Variants in NOP53 observed in about 807,000 individuals in gnomAD.
The protein encoded by NOP53 is ribosome biogenesis protein NOP53.
In NOP53, 40 loss-of-function variants were observed where a neutral mutation model predicts 61.0. The ratio of observed to expected loss-of-function variants is 0.66; its 90% confidence interval spans 0.51 to 0.85. The LOEUF is 0.85. Among genes scored for constraint, NOP53 ranks in the 40% least tolerant of loss-of-function variants. The pLI is 0.00. For missense variants in NOP53, 689 were observed against 652.9 expected, an observed-to-expected ratio of 1.06 and a Z score of -0.60; for synonymous variants, 308 against 289.5, an observed-to-expected ratio of 1.06 and a Z score of -0.65.
chr19:47,751,543 G>A lies in NOP53; in HGVS notation c.622G>A (p.Gly208Ser). The change falls in exon 5 of 13, where the codon GGC becomes AGC. Residue 208 changes from glycine to serine, a missense_variant. Gly to Ser is a moderately conservative substitution (Grantham distance 56). Transcript: ENST00000246802. ...SDNPLDRPLV[G>S]QDEFFLEQTK... ...AGACCCCCTGGACAGGCCGTTGGTT[G>A]GCCAGGATGAGTTTTTCCTGGAGCA... The A allele has an allele frequency of 1.2e-6, 2 of 1,613,952 alleles. No homozygotes were observed. Among genetic ancestry groups the A allele is most frequent in the Non-Finnish European group, 1.7e-6 (2 of 1,179,934 alleles).
Position 47,754,668 on chromosome 19 carries a change from G to C in NOP53, c.870+37G>C, listed in dbSNP as rs912725826. ...ACCTGCCCACTCCCTCCCCTCCCCG[G>C]GCCTCCTACCCACCCCTGACACTGC... On this transcript the variant is annotated intron_variant, in intron 7 of 12. Transcript: ENST00000246802. The surrounding 1 kb of genome is among the most constrained non-coding windows in gnomAD (Gnocchi z 4.2). 2 of 1,542,636 alleles carry C rather than the reference G, an allele frequency of 1.3e-6. No homozygotes were observed. Among genetic ancestry groups the C allele is most frequent in the African/African-American group, 2.7e-5 (2 of 72,816 alleles).
In NOP53 at chr19:47,750,906, A is replaced by G; in HGVS notation, c.399-2A>G. 1 of 1,581,668 alleles carries G rather than the reference A, an allele frequency of 6.3e-7. No homozygotes were observed. Among genetic ancestry groups the G allele is most frequent in the South Asian group, 1.2e-5 (1 of 86,496 alleles). On this transcript the variant is annotated splice_acceptor_variant, in intron 3 of 12. Coordinates refer to ENST00000246802, the MANE Select transcript of NOP53 (RefSeq NM_015710.5). LOFTEE classifies it high-confidence loss of function. ...GCACTTGTGCCCCCTCTCCCCGACC[A>G]GCGTCCTCGCCCACCAGGTCCCCAA...
At chr19:47,756,091 C>T in intron 10 of NOP53, 1 of 548,908 alleles carries the variant, frequency 1.8e-6, no homozygotes, top group South Asian at 2.2e-5. Context: ...GAGGGACCTT[C>T]CTGAAGCTCA....
intron 6 of NOP53, chr19:47,752,821 C>G (rs1437170528): frequency 3.7e-6 from 2 of 537,952 alleles, no homozygotes; most frequent in Non-Finnish European, 6.7e-6. Context: ...CTGGCCCAGC[C>G]TGGGGGGTCA....
rs1967052131 is a variant in NOP53, at chr19:47,745,680, C to G, written c.121C>G (p.Pro41Ala). 1 of 1,613,170 alleles carries G rather than the reference C, an allele frequency of 6.2e-7. No individual in the cohort carries two copies. The highest frequency in any genetic ancestry group is 1.7e-4 in the Middle Eastern group (1 of 5,952). ...DPALRRRRRG[P>A]RNKKRGWRRL... is the part of the protein sequence containing the mutation. ...AGCGCTGAGGCGGCGGCGGCGAGGCCCAAGAAATAAGAAGCGGGGCTGGCG... is the reference window on the plus strand; with the variant it reads ...AGCGCTGAGGCGGCGGCGGCGAGGCGCAAGAAATAAGAAGCGGGGCTGGCG... Residue 41 changes from proline (P) to alanine (A), a missense_variant, in exon 1 of 13, where the codon CCA becomes GCA. Physicochemically the swap from Pro to Ala is conservative, Grantham distance 27. Transcript: ENST00000246802.
In NOP53 at chr19:47,754,367, CTG is replaced by C; in HGVS notation, c.766-157_766-156del. ...CGAGGGTTTGAGGTGCCCTCTGGCT[CTG>C]TGCAGGGTGGGTGTGCTGGTAGACG... On this transcript the variant is annotated intron_variant, in intron 6 of 12. Transcript: ENST00000246802. The surrounding 1 kb of genome is among the most constrained non-coding windows in gnomAD (Gnocchi z 4.2). The C allele has an allele frequency of 1.6e-6, 1 of 630,966 alleles. No individual in the cohort carries two copies. The highest frequency in any genetic ancestry group is 2.9e-6 in the Non-Finnish European group (1 of 346,588). 39.1% of individuals were successfully genotyped at this position (630,966 alleles called of 1,614,324 possible). A position where few individuals can be genotyped will look rare whatever the true frequency, so the allele number is the denominator to read the frequency against.
chr19:47,748,026 C>G (rs535197086), intron 2 of NOP53, among the ~76,000 whole-genome samples: 25 of 151,912 alleles, frequency 1.6e-4, no homozygotes, highest in Admixed American at 8.5e-4. Context: ...GTGATCCGCC[C>G]GCCTCGGCCT....
chr19:47,747,704 G>T (rs537695127), intron 2 of NOP53, among the ~76,000 whole-genome samples: 1 of 149,490 alleles, frequency 6.7e-6, no homozygotes, highest in African/African-American at 2.4e-5. Flanking sequence ...CGATTCTCCT[G>T]CCTCAGCCTC....
At chr19:47,755,020 G>A (rs1967172702) in intron 8 of NOP53, 129 bp downstream of exon 8, 1 of 869,284 alleles carries the variant, frequency 1.2e-6, no homozygotes, top group East Asian at 2.9e-5. Context: ...CCTGTGGTTT[G>A]GGCTGTTTGG....
intron 10 of NOP53, chr19:47,756,168 GCTC>G (rs1967195304): frequency 2.0e-6 from 1 of 510,510 alleles, no homozygotes; most frequent in Middle Eastern, 5.3e-4. Context: ...AGGAAGCCCA[GCTC>G]CTCTGTCAGC....
intron 4 of NOP53, 71 bp downstream of exon 4, chr19:47,751,178 G>GTACT: frequency 7.4e-7 from 1 of 1,353,894 alleles, no homozygotes; most frequent in Non-Finnish European, 1.0e-6. Flanking sequence ...GTTGTGCACT[G>GTACT]CACGAGAGTA....
At chr19:47,755,287 G>T (rs1267610067) in intron 8 of NOP53, 61 bp from the exon 9 acceptor site, 5 of 1,187,248 alleles carry the variant, frequency 4.2e-6, no homozygotes, top group Non-Finnish European at 5.7e-6. Context: ...CCTGTGTAGA[G>T]AGAAGGTCTC....
At chr19:47,747,555 TCA>T (rs775615047) in intron 2 of NOP53, among the ~76,000 whole-genome samples, 1 of 151,252 alleles carries the variant, frequency 6.6e-6, no homozygotes, top group Non-Finnish European at 1.5e-5. Flanking sequence ...GGCAGGAGAA[TCA>T]CTTGAACCTG....
At chr19:47,752,456 G>C in intron 5 of NOP53, 56 bp from the exon 6 acceptor site, 2 of 1,098,420 alleles carry the variant, frequency 1.8e-6, no homozygotes, top group Admixed American at 3.4e-5. Context: ...GCTGTGTCCT[G>C]GGTCACCCGC....
chr19:47,745,877 CGGGGGTCG>C, intron 1 of NOP53, 94 bp downstream of exon 1: 1 of 236,666 alleles, frequency 4.2e-6, no homozygotes. Flanking sequence ...GGTCGGGGGT[CGGGGGTCG>C]GGGGTTGGGG....
intron 1 of NOP53, 137 bp from the exon 2 acceptor site, chr19:47,746,830 A>G: frequency 1.5e-6 from 1 of 683,330 alleles, no homozygotes; most frequent in Non-Finnish European, 2.6e-6. Context: ...AGTTCTGTAA[A>G]CTGCTGGGCG....
In NOP53 at chr19:47,747,050, G is replaced by C; in HGVS notation, c.289+19G>C. 6.3e-7 allele frequency: 1 copy of C among 1,593,822 alleles called. No individual in the cohort carries two copies. Among genetic ancestry groups the C allele is most frequent in the Non-Finnish European group, 8.6e-7 (1 of 1,161,888 alleles). ...GAAAAAGGTGAGGAGAGGCTTTTGT[G>C]GTGTGGAATGGCGGTTATTCATTGT... is the stretch of plus-strand genomic sequence containing the variant. On this transcript the variant is annotated intron_variant, in intron 2 of 12. Transcript: ENST00000246802.
Position 47,750,971 on chromosome 19 carries a change from G to A in NOP53, c.462G>A (p.Lys154=), listed in dbSNP as rs776634751. The part of the protein sequence containing the change: ...KLRRKEQLWE[K]LAKQGELPRE... ...GGCGGAAGGAGCAGCTATGGGAGAA[G>A]CTGGCCAAGCAGGGCGAGCTGCCCC... The change falls in exon 4 of 13, where the codon AAG becomes AAA. Residue 154 remains lysine (K), a synonymous_variant. Transcript: ENST00000246802. 1.9e-6 allele frequency: 3 copies of A among 1,598,506 alleles called. No individual in the cohort carries two copies. Among genetic ancestry groups the A allele is most frequent in the East Asian group, 2.3e-5 (1 of 44,362 alleles).
At chr19:47,745,865 G>C in intron 1 of NOP53, 82 bp downstream of exon 1, 1 of 56,230 alleles carries the variant, frequency 1.8e-5, no homozygotes. Context: ...GGACTCGTCG[G>C]GGGTCGGGGG....
Sources: gnomAD v4.1 joint callset for allele counts (sites outside exome capture counted in the v4.1 genomes callset) on GRCh38, gnomAD v4.1.1 for gene constraint, Gnocchi (gnomAD v3.1) non-coding constraint, MANE v1.5 for transcripts, NCBI Gene and HGNC (gene_info 2026-07-23, HGNC 2026-07-21) for gene names.